DDR2: variants seen among roughly 807,000 people sequenced by gnomAD.
DDR2 encodes discoidin domain-containing receptor 2.
DDR2 carries 27 observed loss-of-function variants against 94.9 expected under a neutral mutation model. The ratio of observed to expected loss-of-function variants is 0.28; its 90% CI spans 0.21 to 0.39. DDR2 has a LOEUF of 0.39. Among genes scored for constraint, DDR2 ranks in the 10% least tolerant of loss-of-function variants. DDR2 has a pLI of 1.00. For missense variants in DDR2, 783 were observed against 1,076.0 expected (o/e 0.73, Z 3.81); for synonymous variants, 382 against 377.2 (o/e 1.01, Z -0.15).
intron 16 of DDR2, 22 bp from the exon 17 acceptor site, chr1:162,778,558 A>T: frequency 6.2e-7 from 1 of 1,613,878 alleles, no homozygotes; most frequent in Non-Finnish European, 8.5e-7. Context: ...CTGATTTCCC[A>T]TTCTTTTCTT....
chr1:162,775,257 T>TAA (rs10657730), intron 14 of DDR2, among the ~76,000 whole-genome samples: 139,073 of 148,798 alleles, frequency 0.93, 65,290 homozygotes, highest in East Asian at 0.99. Flanking sequence ...TCCATGGCTT[T>TAA]AAAAAAAAAA....
chr1:162,779,296 A>G (rs1297669962), intron 17 of DDR2, among the ~76,000 whole-genome samples: 2 of 152,026 alleles, frequency 1.3e-5, no homozygotes, highest in African/African-American at 4.8e-5. Context: ...ATTCCTAGCC[A>G]AGATACTCCA....
At chr1:162,669,813 G>T (rs1276797601) in intron 2 of DDR2, among the ~76,000 whole-genome samples, 1 of 152,142 alleles carries the variant, frequency 6.6e-6, no homozygotes, top group African/African-American at 2.4e-5. Context: ...TTGGTCAGGA[G>T]TCACCAGCCC....
intron 4 of DDR2, among the ~76,000 whole-genome samples, chr1:162,753,437 T>C (rs1291941721): frequency 1.3e-5 from 2 of 152,334 alleles, no homozygotes; most frequent in East Asian, 1.9e-4. Context: ...AGGGCCACAT[T>C]ACCCACAGTG....
At chr1:162,662,694 T>A (rs12239984) in intron 2 of DDR2, among the ~76,000 whole-genome samples, 31 of 152,258 alleles carry the variant, frequency 2.0e-4, no homozygotes, top group African/African-American at 7.5e-4. Flanking sequence ...GATAAAAACA[T>A]GCCTTGTGAG....
chr1:162,671,342 A>T (rs1396820795), intron 2 of DDR2, among the ~76,000 whole-genome samples: 1 of 152,232 alleles, frequency 6.6e-6, no homozygotes, highest in Admixed American at 6.5e-5. Context: ...AGGATTCAGC[A>T]GTGAACAAGA....
At chr1:162,675,485 G>T (rs184510165) in intron 2 of DDR2, among the ~76,000 whole-genome samples, 2 of 152,352 alleles carry the variant, frequency 1.3e-5, no homozygotes, top group Admixed American at 1.3e-4. Context: ...AGGGCCTGTA[G>T]CCTGGAGGTG....
chr1:162,754,370 A>G (rs1663353676), intron 4 of DDR2, among the ~76,000 whole-genome samples: 1 of 152,140 alleles, frequency 6.6e-6, no homozygotes, highest in Non-Finnish European at 1.5e-5. Flanking sequence ...CTAAATCAGG[A>G]TGGGAAGTGA....
intron 2 of DDR2, among the ~76,000 whole-genome samples, chr1:162,686,393 G>T (rs1003772374): frequency 6.6e-6 from 1 of 151,996 alleles, no homozygotes; most frequent in African/African-American, 2.4e-5. Context: ...ACAGGCCCTG[G>T]TGTGTGATAT....
chr1:162,761,486 G>C, intron 9 of DDR2, 32 bp downstream of exon 9: 1 of 1,614,052 alleles, frequency 6.2e-7, no homozygotes, highest in South Asian at 1.1e-5. Context: ...TGGGAAGTGG[G>C]AGCAAGGTGA....
At chr1:162,671,299 T>C (rs1658828461) in intron 2 of DDR2, among the ~76,000 whole-genome samples, 1 of 152,216 alleles carries the variant, frequency 6.6e-6, no homozygotes. Flanking sequence ...GCCCAGGACA[T>C]TTATTTAATG....
chr1:162,651,856 A>G (rs1230938394), intron 1 of DDR2, among the ~76,000 whole-genome samples: 1 of 152,206 alleles, frequency 6.6e-6, no homozygotes, highest in Non-Finnish European at 1.5e-5. Flanking sequence ...TGTCAAGCTT[A>G]GAAATAATTT....
rs143364193 is a variant in DDR2, at chr1:162,733,802, G to A, written c.82+14657G>A. Among the ~76,000 whole-genome samples the A allele has an allele frequency of 2.2e-4, 33 of 152,256 alleles. 1 individual carries two copies. The East Asian group carries it at 6.4e-3, about 29-fold the overall frequency. On this transcript the variant is annotated intron_variant, in intron 3 of 17. Coordinates refer to ENST00000367921, the MANE Select transcript of DDR2 (RefSeq NM_006182.4). Reference sequence around the variant, plus strand: ...AAGTTGCTCACAATTTCAACAAGGAGGTAACCAAGCACAAGAGTAACAGAA... The same window carrying A: ...AAGTTGCTCACAATTTCAACAAGGAAGTAACCAAGCACAAGAGTAACAGAA...
chr1:162,655,947 T>C (rs1657937992), intron 2 of DDR2, among the ~76,000 whole-genome samples: 1 of 152,166 alleles, frequency 6.6e-6, no homozygotes, highest in Admixed American at 6.5e-5. Context: ...CCAGGGATAC[T>C]GATTGCAGAT....
intron 2 of DDR2, among the ~76,000 whole-genome samples, chr1:162,676,201 A>G (rs1659112870): frequency 6.6e-6 from 1 of 152,014 alleles, no homozygotes; most frequent in South Asian, 2.1e-4. Context: ...TATTTGGTCT[A>G]AAGGCTCATA....
chr1:162,639,813 G>A (rs574006508), intron 1 of DDR2, among the ~76,000 whole-genome samples: 2 of 152,260 alleles, frequency 1.3e-5, no homozygotes, highest in East Asian at 3.9e-4. Context: ...ATAGTACTTC[G>A]AATTCTGAAT....
At chr1:162,768,398 A>G (rs1664103595) in intron 11 of DDR2, among the ~76,000 whole-genome samples, 1 of 152,232 alleles carries the variant, frequency 6.6e-6, no homozygotes. Flanking sequence ...TAGAGGCCAC[A>G]GGAACTCTGA....
At chr1:162,634,458 C>T (rs770756726) in intron 1 of DDR2, among the ~76,000 whole-genome samples, 8 of 152,170 alleles carry the variant, frequency 5.3e-5, no homozygotes, top group Non-Finnish European at 8.8e-5. Context: ...TCAGCTCTTT[C>T]GATTAGGATC....
At chr1:162,698,364 A>G (rs1381669270) in intron 2 of DDR2, among the ~76,000 whole-genome samples, 1 of 152,084 alleles carries the variant, frequency 6.6e-6, no homozygotes, top group Non-Finnish European at 1.5e-5. Flanking sequence ...CGAGGGAGGC[A>G]TGGTCTGTGC....
Sources: allele counts gnomAD v4.1 joint callset (sites outside exome capture counted in the v4.1 genomes callset), GRCh38; gene constraint gnomAD v4.1.1; transcripts MANE v1.5; gene names NCBI Gene and HGNC (gene_info 2026-07-23, HGNC 2026-07-21).